MDGA2: variants seen among roughly 807,000 people sequenced by gnomAD.
MDGA2 encodes the protein MAM domain containing glycosylphosphatidylinositol anchor 2, also known as MAM domain-containing glycosylphosphatidylinositol anchor protein 2.
MDGA2 carries 40 observed loss-of-function variants against 117.8 expected under a neutral mutation model. That is an observed-to-expected ratio of 0.34 (90% CI 0.26 to 0.44). MDGA2 has a LOEUF of 0.44. Ranked by LOEUF, MDGA2 falls within the 20% of genes least tolerant of loss-of-function variation. The pLI is 1.00. For synonymous variants in MDGA2, 452 were observed against 439.0 expected (o/e 1.03, Z -0.37); for missense variants, 1,123 against 1,250.6 (o/e 0.90, Z 1.54).
At chr14:47,570,410 C>A (rs1895997418) in intron 1 of MDGA2, among the ~76,000 whole-genome samples, 1 of 152,132 alleles carries the variant, frequency 6.6e-6, no homozygotes, top group Non-Finnish European at 1.5e-5. Context: ...TCAACTTAGA[C>A]AAGTTCTTTA....
At chr14:47,315,500 A>C (rs1268456940) in intron 1 of MDGA2, among the ~76,000 whole-genome samples, 1 of 152,134 alleles carries the variant, frequency 6.6e-6, no homozygotes, top group Non-Finnish European at 1.5e-5. Flanking sequence ...TTGGGTCATC[A>C]TTGGAGCATA....
intron 9 of MDGA2, among the ~76,000 whole-genome samples, chr14:46,954,688 A>G (rs1388936714): frequency 1.3e-5 from 2 of 152,052 alleles, no homozygotes; most frequent in African/African-American, 2.4e-5. Context: ...ATAATTCAAG[A>G]TAAGTTCCTT....
At position 46,912,147 on chromosome 14, in the gene MDGA2, G is replaced by A. The variant is rs143068035; in HGVS notation, c.2238+7865C>T. On this transcript the variant is annotated intron_variant, in intron 10 of 16. Coordinates refer to ENST00000399232, the MANE Select transcript of MDGA2 (RefSeq NM_001113498.3). ...GGAACTGAATTTTTTTCTCATCAAC[G>A]TTATAACCATATGACCTTAAACAAA... 5.8e-3 allele frequency among the ~76,000 whole-genome samples: 881 copies of A among 152,206 alleles called. 13 individuals are homozygous for A. Among genetic ancestry groups the A allele is most frequent in the African/African-American group, 0.019 (788 of 41,546 alleles).
chr14:46,985,269 A>C (rs1886819534), intron 8 of MDGA2, among the ~76,000 whole-genome samples: 1 of 152,062 alleles, frequency 6.6e-6, no homozygotes, highest in Non-Finnish European at 1.5e-5. Flanking sequence ...TAAAAATATA[A>C]AATAATACCT....
intron 2 of MDGA2, among the ~76,000 whole-genome samples, chr14:47,279,499 C>A (rs1454605815): frequency 1.3e-5 from 2 of 151,966 alleles, no homozygotes; most frequent in Admixed American, 6.6e-5. Context: ...TTTATATATT[C>A]TTTTCCAGTT....
At chr14:47,093,620 G>C (rs755456408) in intron 6 of MDGA2, among the ~76,000 whole-genome samples, 3 of 152,060 alleles carry the variant, frequency 2.0e-5, no homozygotes, top group Non-Finnish European at 4.4e-5. Context: ...AAAAGGCATT[G>C]ATGCTACATT....
At position 47,614,498 on chromosome 14, in the gene MDGA2, T is replaced by C. The variant is rs1290491305; in HGVS notation, c.280+60019A>G. Among the ~76,000 whole-genome samples the C allele has an allele frequency of 3.3e-5, 5 of 152,306 alleles. No individual in the cohort carries two copies. In the East Asian group the frequency reaches 7.7e-4, roughly 24 times the overall value. ...CAATACTGGCCTTCCATTAATGTTA[T>C]TTCCACACTCGTGCTAACTCACAGA... On this transcript the variant is annotated intron_variant, in intron 1 of 16. Coordinates refer to ENST00000399232, the MANE Select transcript of MDGA2 (RefSeq NM_001113498.3).
At chr14:46,979,672 A>G (rs750377285) in intron 8 of MDGA2, among the ~76,000 whole-genome samples, 5 of 152,180 alleles carry the variant, frequency 3.3e-5, no homozygotes, top group Non-Finnish European at 7.3e-5. Flanking sequence ...CCAAACCCTA[A>G]TTTACAGCAG....
chr14:47,153,862 GAA>G (rs1321859822), intron 3 of MDGA2, among the ~76,000 whole-genome samples: 16 of 152,120 alleles, frequency 1.1e-4, no homozygotes, highest in Non-Finnish European at 1.5e-5. Context: ...AATAAGTGGT[GAA>G]AAGACAACAG....
At chr14:47,448,208 T>G (rs1893167025) in intron 1 of MDGA2, among the ~76,000 whole-genome samples, 1 of 152,076 alleles carries the variant, frequency 6.6e-6, no homozygotes, top group Non-Finnish European at 1.5e-5. Context: ...TGGAGGGTAG[T>G]GGCAAGATCT....
chr14:47,172,136 C>G (rs1458433999), intron 3 of MDGA2, among the ~76,000 whole-genome samples: 1 of 152,186 alleles, frequency 6.6e-6, no homozygotes, highest in Non-Finnish European at 1.5e-5. Context: ...CTAAACAAAG[C>G]AGCCAGGAAG....
intron 1 of MDGA2, among the ~76,000 whole-genome samples, chr14:47,355,005 C>A (rs1432920005): frequency 6.6e-6 from 1 of 152,056 alleles, no homozygotes; most frequent in Non-Finnish European, 1.5e-5. Flanking sequence ...CTCTTACTAC[C>A]TGGGTACATT....
chr14:47,559,803 C>T (rs1178361503), intron 1 of MDGA2, among the ~76,000 whole-genome samples: 1 of 152,002 alleles, frequency 6.6e-6, no homozygotes, highest in African/African-American at 2.4e-5. Flanking sequence ...AAACTCCTGA[C>T]CTCAGGTGAT....
At chr14:47,157,681 G>A (rs1235001806) in intron 3 of MDGA2, among the ~76,000 whole-genome samples, 1 of 150,496 alleles carries the variant, frequency 6.6e-6, no homozygotes, top group African/African-American at 2.4e-5. Flanking sequence ...ATCTCATCCT[G>A]AATTGTAGTT....
intron 1 of MDGA2, among the ~76,000 whole-genome samples, chr14:47,616,130 T>C (rs1410745807): frequency 6.6e-6 from 1 of 152,136 alleles, no homozygotes; most frequent in Non-Finnish European, 1.5e-5. Flanking sequence ...ATAACTAAAA[T>C]ACATTTGACT....
rs116960626 is a variant in MDGA2, at chr14:47,641,966, T to A, written c.280+32551A>T. On this transcript the variant is annotated intron_variant, in intron 1 of 16. Coordinates refer to ENST00000399232, the MANE Select transcript of MDGA2 (RefSeq NM_001113498.3). ...AATCAGTACAATCTGCAGATGAAAA[T>A]AAGCTAGAACCCAAGTGGTGAAGAA... 4.9e-3 allele frequency among the ~76,000 whole-genome samples: 750 copies of A among 152,096 alleles called. 3 individuals carry two copies. Among genetic ancestry groups the A allele is most frequent in the Non-Finnish European group, 8.6e-3 (586 of 67,916 alleles).
chr14:47,611,451 T>C (rs114191475), intron 1 of MDGA2, among the ~76,000 whole-genome samples: 4,990 of 151,950 alleles, frequency 0.033, 286 homozygotes, highest in African/African-American at 0.11. Flanking sequence ...ATCTTCACTA[T>C]ATATATATTT....
In MDGA2 at chr14:47,144,475, T is replaced by G. The variant is rs558740572; in HGVS notation, c.596-201A>C. Among the ~76,000 whole-genome samples, 514 of 152,284 alleles carry G rather than the reference T, an allele frequency of 3.4e-3. 1 individual carries two copies. The highest frequency in any genetic ancestry group is 0.01 in the Middle Eastern group (3 of 294). The stretch of plus-strand genomic sequence containing the variant: ...TAAGAAGTATATTAGTATCTCTATT[T>G]GTGGATATAGTAAAATTAATCTTGT... On this transcript the variant is annotated intron_variant, in intron 3 of 16. Transcript: ENST00000399232.
At chr14:47,200,253 A>G (rs1286047347) in intron 3 of MDGA2, among the ~76,000 whole-genome samples, 1 of 152,020 alleles carries the variant, frequency 6.6e-6, no homozygotes, top group Admixed American at 6.6e-5. Context: ...TATCACCACC[A>G]TATATGGCAT....
Sources: allele counts gnomAD v4.1 joint callset (sites outside exome capture counted in the v4.1 genomes callset), GRCh38; gene constraint gnomAD v4.1.1; transcripts MANE v1.5; gene names NCBI Gene and HGNC (gene_info 2026-07-23, HGNC 2026-07-21).